The following CCM2 variants were observed in gnomAD, a reference collection of about 807,000 sequenced individuals.
CCM2 encodes the protein CCM2 scaffold protein, also known as cerebral cavernous malformations 2 protein.
In CCM2, 25 loss-of-function variants were observed where a neutral mutation model predicts 44.9. The ratio of observed to expected loss-of-function variants is 0.56; its 90% CI spans 0.41 to 0.78. CCM2 has a LOEUF of 0.78. Among genes scored for constraint, CCM2 ranks in the 30% least tolerant of loss-of-function variants. CCM2 has a pLI of 0.00. For missense variants in CCM2, 481 were observed against 580.6 expected (o/e 0.83, Z 1.76); for synonymous variants, 219 against 241.1 (o/e 0.91, Z 0.85).
chr7:45,046,047 C>T (rs1797740463), intron 2 of CCM2, among the ~76,000 whole-genome samples: 1 of 152,192 alleles, frequency 6.6e-6, no homozygotes, highest in South Asian at 2.1e-4. Flanking sequence ...TAGTATGTTA[C>T]TTGTCCCTAA....
chr7:45,014,533 G>A (rs764597967), intron 1 of CCM2, among the ~76,000 whole-genome samples: 5 of 151,536 alleles, frequency 3.3e-5, no homozygotes, highest in Non-Finnish European at 5.9e-5. Flanking sequence ...CGCTAGTCTT[G>A]AACTCCTGGG....
chr7:45,064,688 G>C, intron 4 of CCM2, 42 bp downstream of exon 4: 1 of 1,604,216 alleles, frequency 6.2e-7, no homozygotes, highest in Non-Finnish European at 8.5e-7. Context: ...GTCCTAAGGA[G>C]TACATGTGTG....
intron 2 of CCM2, among the ~76,000 whole-genome samples, chr7:45,061,583 T>G (rs1798525204): frequency 6.6e-6 from 1 of 150,858 alleles, no homozygotes; most frequent in African/African-American, 2.4e-5. Context: ...TCCTCCCATC[T>G]CAGCCTCCTG....
intron 1 of CCM2, among the ~76,000 whole-genome samples, chr7:45,011,413 T>G (rs1796063101): frequency 6.6e-6 from 1 of 152,148 alleles, no homozygotes; most frequent in Non-Finnish European, 1.5e-5. Flanking sequence ...GCCGGGCTCC[T>G]CTCGAACTCC....
chr7:45,012,232 C>G (rs1013174367), intron 1 of CCM2, among the ~76,000 whole-genome samples: 1 of 148,670 alleles, frequency 6.7e-6, no homozygotes, highest in Non-Finnish European at 1.5e-5. Flanking sequence ...CTCCTGGGTT[C>G]AAGTGATTCT....
chr7:45,051,113 C>G (rs1482051626), intron 2 of CCM2, among the ~76,000 whole-genome samples: 2 of 152,170 alleles, frequency 1.3e-5, no homozygotes, highest in African/African-American at 4.8e-5. Context: ...CTTCCTCATC[C>G]ACATATTTCT....
intron 1 of CCM2, among the ~76,000 whole-genome samples, chr7:45,008,326 T>TGCCACCGTGC (rs1795928693): frequency 6.6e-6 from 1 of 151,242 alleles, no homozygotes; most frequent in Non-Finnish European, 1.5e-5. Flanking sequence ...TGCCTCTGTG[T>TGCCACCGTGC]GCCACCGTGC....
At chr7:45,052,862 G>A (rs898561791) in intron 2 of CCM2, among the ~76,000 whole-genome samples, 1 of 152,180 alleles carries the variant, frequency 6.6e-6, no homozygotes, top group Admixed American at 6.5e-5. Flanking sequence ...CTATGGCCAG[G>A]GGTCAGGGGC....
chr7:45,012,350 T>G (rs1796099353), intron 1 of CCM2, among the ~76,000 whole-genome samples: 3 of 150,632 alleles, frequency 2.0e-5, no homozygotes, highest in African/African-American at 7.3e-5. Flanking sequence ...GCCAGCCTGG[T>G]CTTGAACTCC....
Position 45,072,722 on chromosome 7 carries a change from A to G in CCM2, c.746-4A>G, listed in dbSNP as rs1799138304. 1.2e-6 allele frequency: 2 copies of G among 1,611,294 alleles called. No individual in the cohort carries two copies. The highest frequency in any genetic ancestry group is 8.5e-7 in the Non-Finnish European group (1 of 1,177,952). On this transcript the variant is annotated splice_region_variant and splice_polypyrimidine_tract_variant and intron_variant, in intron 6 of 9. Coordinates refer to ENST00000258781, the MANE Select transcript of CCM2 (RefSeq NM_031443.4). ...CATCTTAGTTTTCTGCATCTTCCTT[A>G]CAGATGACTCTTCTACAAAAGTGGA...
intron 1 of CCM2, chr7:45,027,896 G>A: frequency 8.0e-7 from 1 of 1,248,572 alleles, no homozygotes; most frequent in Non-Finnish European, 1.2e-6. Context: ...CTTGCCCATT[G>A]TGAGCTAGGG....
chr7:45,015,942 A>G (rs1796246627), intron 1 of CCM2, among the ~76,000 whole-genome samples: 1 of 152,242 alleles, frequency 6.6e-6, no homozygotes, highest in African/African-American at 2.4e-5. Flanking sequence ...AAGACCGAAG[A>G]AAAGAAAGAA....
intron 1 of CCM2, among the ~76,000 whole-genome samples, chr7:45,025,349 A>T (rs1001067517): frequency 1.3e-5 from 2 of 152,204 alleles, no homozygotes; most frequent in African/African-American, 4.8e-5. Context: ...GCAAATGTTC[A>T]TCTGTAAAAC....
At chr7:45,014,802 A>G (rs1157604929) in intron 1 of CCM2, among the ~76,000 whole-genome samples, 1 of 150,764 alleles carries the variant, frequency 6.6e-6, no homozygotes, top group Non-Finnish European at 1.5e-5. Flanking sequence ...TTGAATTTTT[A>G]TTAGAGACGG....
intron 2 of CCM2, among the ~76,000 whole-genome samples, chr7:45,059,272 A>T (rs1798412290): frequency 6.6e-6 from 1 of 151,908 alleles, no homozygotes; most frequent in Non-Finnish European, 1.5e-5. Flanking sequence ...TATTGGATTC[A>T]ATTTGCTGAT....
chr7:45,023,107 C>A (rs541017876), intron 1 of CCM2, among the ~76,000 whole-genome samples: 3 of 152,126 alleles, frequency 2.0e-5, no homozygotes, highest in East Asian at 3.8e-4. Flanking sequence ...AATTTTTCAT[C>A]TCTCACCTCC....
intron 1 of CCM2, among the ~76,000 whole-genome samples, chr7:45,012,421 AC>A (rs1796103003): frequency 6.6e-6 from 1 of 152,150 alleles, no homozygotes; most frequent in Non-Finnish European, 1.5e-5. Flanking sequence ...GGTGTGAGCC[AC>A]TGCTCCCAGC....
chr7:45,036,412 G>T (rs577199013), intron 1 of CCM2, among the ~76,000 whole-genome samples: 1 of 152,304 alleles, frequency 6.6e-6, no homozygotes, highest in South Asian at 2.1e-4. Context: ...CAGGAAAAAT[G>T]TTGGGTTTTG....
In CCM2 at chr7:45,006,230, T is replaced by G. The variant is rs141519035; in HGVS notation, c.30+5867T>G. On this transcript the variant is annotated intron_variant, in intron 1 of 9. Transcript: ENST00000258781. ...AGTTTCATGTGCACCTTCTCCTCAT[T>G]CCTGCTTCCTGCCTGTGTGGGCCGA... 5.9e-3 allele frequency among the ~76,000 whole-genome samples: 902 copies of G among 152,292 alleles called. 7 individuals are homozygous for G. Among genetic ancestry groups the G allele is most frequent in the African/African-American group, 0.02 (845 of 41,556 alleles).
Sources: allele counts gnomAD v4.1 joint callset (sites outside exome capture counted in the v4.1 genomes callset), GRCh38; gene constraint gnomAD v4.1.1; transcripts MANE v1.5; gene names NCBI Gene and HGNC (gene_info 2026-07-23, HGNC 2026-07-21).